SPECC1: variants seen among roughly 807,000 people sequenced by gnomAD.
SPECC1 encodes the protein cytospin-B.
In SPECC1, 62 loss-of-function variants were observed where a neutral mutation model predicts 104.1. The ratio of observed to expected loss-of-function variants is 0.60; its 90% CI spans 0.49 to 0.74. The LOEUF (loss-of-function observed/expected upper bound fraction) is 0.74. SPECC1 is among the 30% of genes least tolerant of loss of function. SPECC1 has a pLI of 0.00. For missense variants in SPECC1, 1,306 were observed against 1,310.5 expected (o/e 1.00, Z 0.05); for synonymous variants, 513 against 501.6 (o/e 1.02, Z -0.30).
At position 20,204,730 on chromosome 17, in the gene SPECC1, A is replaced by C. The variant is rs2036657654; in HGVS notation, c.681A>C (p.Arg227Ser). ...VSPGDTEPMIRALEEKNKNFQ... is the reference protein window; with the variant it reads ...VSPGDTEPMISALEEKNKNFQ... ...CAGGTGACACGGAACCTATGATAAG[A>C]GCTCTTGAGGAGAAGAACAAGAACT... Residue 227 changes from arginine to serine, a missense_variant, in exon 4 of 15, where the codon AGA (arginine) becomes AGC (serine). Physicochemically the swap from Arg to Ser is moderately radical, Grantham distance 110. Around this residue, in one of 2 missense-constraint regions of SPECC1, gnomAD observed 1,177 missense variants for 1,139.9 expected, o/e 1.03. Transcript: ENST00000395527. 6.2e-7 allele frequency: 1 copy of C among 1,613,966 alleles called. No homozygotes were observed. Among genetic ancestry groups the C allele is most frequent in the Non-Finnish European group, 8.5e-7 (1 of 1,180,018 alleles).
At chr17:20,052,105 C>G (rs983156688) in intron 1 of SPECC1, among the ~76,000 whole-genome samples, 1 of 152,200 alleles carries the variant, frequency 6.6e-6, no homozygotes, top group Admixed American at 6.5e-5. Flanking sequence ...AAAATATTAT[C>G]ACTTCATCAC....
chr17:20,295,117 C>G (rs189585538), intron 12 of SPECC1, among the ~76,000 whole-genome samples: 37 of 151,456 alleles, frequency 2.4e-4, no homozygotes, highest in African/African-American at 8.7e-4. Context: ...GTGTCCTGCA[C>G]CCATTAACTC....
At chr17:20,078,512 G>A (rs1365880384) in intron 1 of SPECC1, among the ~76,000 whole-genome samples, 1 of 152,046 alleles carries the variant, frequency 6.6e-6, no homozygotes, top group Non-Finnish European at 1.5e-5. Context: ...TGGCAAAAAT[G>A]GAAAATATGA....
chr17:20,058,996 C>T lies in SPECC1; in HGVS notation c.-21-37635C>T, dbSNP rs540500835. On this transcript the variant is annotated intron_variant, in intron 1 of 14. Coordinates refer to ENST00000395527, the MANE Select transcript of SPECC1 (RefSeq NM_001243439.2). ...CTGGGACTACAGGTGCCCACCACCACACCCGGCTAATTTTTTTTTGAATTT... is the reference window on the plus strand; with the variant it reads ...CTGGGACTACAGGTGCCCACCACCATACCCGGCTAATTTTTTTTTGAATTT... Among the ~76,000 whole-genome samples, 12 of 150,964 alleles carry T rather than the reference C, an allele frequency of 7.9e-5. 1 individual carries two copies. Among genetic ancestry groups the T allele is most frequent in the African/African-American group, 2.9e-4 (12 of 40,768 alleles).
intron 1 of SPECC1, among the ~76,000 whole-genome samples, chr17:20,076,160 T>G (rs989654192): frequency 2.0e-5 from 3 of 152,206 alleles, no homozygotes; most frequent in Non-Finnish European, 1.5e-5. Flanking sequence ...CTAGATATTA[T>G]AGCATAAGGC....
chr17:20,049,815 A>C (rs987384469), intron 1 of SPECC1, among the ~76,000 whole-genome samples: 2 of 149,928 alleles, frequency 1.3e-5, no homozygotes, highest in Non-Finnish European at 3.0e-5. Context: ...TTCTTTCTTT[A>C]TTTTTATTTA....
chr17:20,208,415 A>G (rs2036921684), intron 4 of SPECC1, among the ~76,000 whole-genome samples: 1 of 152,236 alleles, frequency 6.6e-6, no homozygotes, highest in African/African-American at 2.4e-5. Flanking sequence ...AGAAAAAGCA[A>G]AACATAGACC....
intron 3 of SPECC1, among the ~76,000 whole-genome samples, chr17:20,150,246 G>A (rs1156754205): frequency 2.6e-5 from 4 of 151,450 alleles, no homozygotes; most frequent in Non-Finnish European, 2.9e-5. Context: ...GCCTCCTAAA[G>A]TGCTGGGATT....
At chr17:20,255,098 C>T (rs2039776311) in intron 10 of SPECC1, among the ~76,000 whole-genome samples, 1 of 152,118 alleles carries the variant, frequency 6.6e-6, no homozygotes, top group Non-Finnish European at 1.5e-5. Context: ...GGTGCTGAGG[C>T]TGGTGATTGC....
intron 4 of SPECC1, among the ~76,000 whole-genome samples, chr17:20,213,018 T>G (rs1237155901): frequency 6.6e-6 from 1 of 152,216 alleles, no homozygotes; most frequent in African/African-American, 2.4e-5. Context: ...ACAGAATGAT[T>G]TAAGTTATTA....
intron 12 of SPECC1, among the ~76,000 whole-genome samples, chr17:20,263,462 T>C (rs2040104892): frequency 6.6e-6 from 1 of 150,884 alleles, no homozygotes. Flanking sequence ...GGCACATATA[T>C]ACATATGTAA....
Position 20,196,662 on chromosome 17 carries a change from A to G in SPECC1, c.284-7671A>G, listed in dbSNP as rs189044255. Among the ~76,000 whole-genome samples, 7 of 151,382 alleles carry G rather than the reference A, an allele frequency of 4.6e-5. No individual in the cohort carries two copies. The East Asian group carries it at 7.8e-4, about 17-fold the overall frequency. ...TTATTTTAGGAGAAGAATTTACCAT[A>G]CCAAGATCTTTTCTTATATAAAATC... On this transcript the variant is annotated intron_variant, in intron 3 of 14. Transcript: ENST00000395527.
chr17:20,234,510 C>T (rs895821331), intron 7 of SPECC1, among the ~76,000 whole-genome samples: 2 of 152,184 alleles, frequency 1.3e-5, no homozygotes, highest in African/African-American at 4.8e-5. Context: ...CAACTCACAC[C>T]CTCAAAGCTC....
intron 3 of SPECC1, among the ~76,000 whole-genome samples, chr17:20,111,053 C>T (rs1346820494): frequency 6.6e-6 from 1 of 152,162 alleles, no homozygotes; most frequent in Non-Finnish European, 1.5e-5. Context: ...TGAACCTTCT[C>T]AGTGTTACTC....
Position 20,314,657 on chromosome 17 carries a change from C to G in SPECC1, c.*592C>G, listed in dbSNP as rs950699440. ...CCTGTCTCAAAAAAATGATAAAACC[C>G]AAAACTTTGCCCTTGTGAACCCTCC... On this transcript the variant is annotated 3_prime_UTR_variant, in exon 15 of 15. Transcript: ENST00000395527. 4 of 228,622 alleles carry G rather than the reference C, an allele frequency of 1.7e-5. No individual in the cohort carries two copies. Among genetic ancestry groups the G allele is most frequent in the African/African-American group, 9.0e-5 (4 of 44,456 alleles). The allele number at this position is 228,622 out of a possible 1,614,324, so 14.2% of individuals were successfully genotyped here.
chr17:20,184,571 T>A (rs2035132865), intron 3 of SPECC1, among the ~76,000 whole-genome samples: 2 of 152,210 alleles, frequency 1.3e-5, no homozygotes, highest in Non-Finnish European at 2.9e-5. Context: ...GAATTCCAGC[T>A]GAAGCTGTGT....
At chr17:20,254,550 T>G (rs867266160) in intron 10 of SPECC1, among the ~76,000 whole-genome samples, 2 of 152,180 alleles carry the variant, frequency 1.3e-5, no homozygotes, top group Non-Finnish European at 2.9e-5. Context: ...GCTGACCCAG[T>G]TCGCCTGCCC....
At position 20,313,972 on chromosome 17, in the gene SPECC1, G is replaced by A. The variant is rs540826572; in HGVS notation, c.3118-4G>A. On this transcript the variant is annotated splice_polypyrimidine_tract_variant and splice_region_variant and intron_variant, in intron 14 of 14. Transcript: ENST00000395527. ...GATCTGTCCCCCATTCCCTTCCCCTGCAGGAACTCAGCGAGATGCTGTACA... is the reference window on the plus strand; with the variant it reads ...GATCTGTCCCCCATTCCCTTCCCCTACAGGAACTCAGCGAGATGCTGTACA... 33 of 1,614,006 alleles carry A rather than the reference G, an allele frequency of 2.0e-5. No homozygotes were observed. The South Asian group carries it at 3.3e-4, about 16-fold the overall frequency.
chr17:20,231,854 C>A (rs572093314), intron 6 of SPECC1, 23 bp downstream of exon 6: 3 of 1,610,904 alleles, frequency 1.9e-6, no homozygotes, highest in East Asian at 4.5e-5. Flanking sequence ...TGGGAGCCTT[C>A]ACCACCATCT....
Sources: gnomAD v4.1 joint callset for allele counts (sites outside exome capture counted in the v4.1 genomes callset) on GRCh38, gnomAD v4.1.1 for gene constraint, gnomAD v4.1.1 regional missense constraint, MANE v1.5 for transcripts, NCBI Gene and HGNC (gene_info 2026-07-23, HGNC 2026-07-21) for gene names.